NMNAT2: variants seen among roughly 807,000 people sequenced by gnomAD.
The protein encoded by NMNAT2 is nicotinamide nucleotide adenylyltransferase 2.
Under a neutral mutation model 41.6 loss-of-function variants are expected in NMNAT2, and 11 were observed. That is an observed-to-expected ratio of 0.26 (90% CI 0.17 to 0.44). The LOEUF is 0.44. NMNAT2 is among the 20% of genes least tolerant of loss of function. The pLI, the probability that NMNAT2 is intolerant of heterozygous loss-of-function variation, is 1.00. For synonymous variants in NMNAT2, 148 were observed against 151.2 expected, an observed-to-expected ratio of 0.98 and a Z score of 0.16; for missense variants, 288 against 407.7, an observed-to-expected ratio of 0.71 and a Z score of 2.53.
Position 183,285,722 on chromosome 1 carries a change from C to T in NMNAT2, c.449-932G>A, listed in dbSNP as rs559666072. Among the ~76,000 whole-genome samples the T allele has an allele frequency of 4.6e-5, 7 of 152,314 alleles. No individual in the cohort carries two copies. The South Asian group carries it at 6.2e-4, about 14-fold the overall frequency. ...GAATTCTAGCTCTTCTACTTTTGAGCTGTGTGACAAATCAGCAAATCACTT... is the reference window on the plus strand; with the variant it reads ...GAATTCTAGCTCTTCTACTTTTGAGTTGTGTGACAAATCAGCAAATCACTT... On this transcript the variant is annotated intron_variant, in intron 5 of 10. Coordinates refer to ENST00000287713, the MANE Select transcript of NMNAT2 (RefSeq NM_015039.4).
chr1:183,325,049 G>T (rs535642535), intron 1 of NMNAT2, among the ~76,000 whole-genome samples: 1 of 152,208 alleles, frequency 6.6e-6, no homozygotes, highest in Non-Finnish European at 1.5e-5. Flanking sequence ...GGAACCAGAA[G>T]TCACACCAAA....
intron 7 of NMNAT2, chr1:183,282,764 G>A (rs867737846): frequency 6.6e-6 from 1 of 152,188 alleles, no homozygotes; most frequent in Non-Finnish European, 1.5e-5. Flanking sequence ...CTGTTTTGGG[G>A]AGCAACCAGG....
At chr1:183,403,497 A>T (rs1648875063) in intron 1 of NMNAT2, among the ~76,000 whole-genome samples, 2 of 139,338 alleles carry the variant, frequency 1.4e-5, no homozygotes, top group Non-Finnish European at 3.1e-5. Context: ...GGGAGCCCCC[A>T]CTCGGGAGAC....
intron 1 of NMNAT2, among the ~76,000 whole-genome samples, chr1:183,384,959 G>C (rs1045112913): frequency 6.6e-6 from 1 of 152,092 alleles, no homozygotes; most frequent in African/African-American, 2.4e-5. Flanking sequence ...TGGGAGTCCA[G>C]GGGTGGGGTG....
Position 183,351,982 on chromosome 1 carries a change from C to A in NMNAT2, c.86-58189G>T, listed in dbSNP as rs568850847. Among the ~76,000 whole-genome samples, 11 of 152,230 alleles carry A rather than the reference C, an allele frequency of 7.2e-5. No homozygotes were observed. The South Asian group carries it at 2.3e-3, about 32-fold the overall frequency. On this transcript the variant is annotated intron_variant, in intron 1 of 10. Coordinates refer to ENST00000287713, the MANE Select transcript of NMNAT2 (RefSeq NM_015039.4). ...CCAATGACATGCAATGTGCTACCAA[C>A]AAGGACACAGTCTGAGTGGATCCCA...
intron 4 of NMNAT2, 124 bp downstream of exon 4, chr1:183,290,004 A>G: frequency 3.0e-6 from 2 of 674,404 alleles, no homozygotes; most frequent in Non-Finnish European, 5.0e-6. Flanking sequence ...GAGAAATAAG[A>G]GGCTGAAAGC....
chr1:183,382,007 C>A (rs1037312716), intron 1 of NMNAT2, among the ~76,000 whole-genome samples: 2 of 152,188 alleles, frequency 1.3e-5, no homozygotes, highest in Admixed American at 6.5e-5. Flanking sequence ...GTGCATTAGT[C>A]CATTCTCACA....
At chr1:183,335,426 T>A (rs1448385308) in intron 1 of NMNAT2, among the ~76,000 whole-genome samples, 1 of 152,226 alleles carries the variant, frequency 6.6e-6, no homozygotes, top group African/African-American at 2.4e-5. Flanking sequence ...ACCACCAACA[T>A]GGCCACCACC....
At chr1:183,288,256 A>C (rs1029367211) in intron 4 of NMNAT2, among the ~76,000 whole-genome samples, 1 of 152,184 alleles carries the variant, frequency 6.6e-6, no homozygotes, top group Non-Finnish European at 1.5e-5. Flanking sequence ...GGGCTCCTGC[A>C]TTCTCAGAGG....
chr1:183,330,120 G>C (rs911739568), intron 1 of NMNAT2, among the ~76,000 whole-genome samples: 1 of 152,190 alleles, frequency 6.6e-6, no homozygotes, highest in African/African-American at 2.4e-5. Flanking sequence ...CCACTCCCCA[G>C]CTGCATGGAC....
At chr1:183,398,375 T>C (rs1261958956) in intron 1 of NMNAT2, among the ~76,000 whole-genome samples, 1 of 152,156 alleles carries the variant, frequency 6.6e-6, no homozygotes, top group African/African-American at 2.4e-5. Context: ...CCTAAATATA[T>C]ATGCACCCAA....
At chr1:183,290,955 C>T (rs1480578176) in intron 3 of NMNAT2, among the ~76,000 whole-genome samples, 3 of 152,176 alleles carry the variant, frequency 2.0e-5, no homozygotes, top group Non-Finnish European at 4.4e-5. Context: ...CTTGGTCTGT[C>T]ACCCAGGCTG....
chr1:183,409,473 C>A (rs1649055194), intron 1 of NMNAT2, among the ~76,000 whole-genome samples: 1 of 152,054 alleles, frequency 6.6e-6, no homozygotes, highest in African/African-American at 2.4e-5. Context: ...CACACCACCA[C>A]ACCTGGCTAA....
intron 1 of NMNAT2, among the ~76,000 whole-genome samples, chr1:183,313,538 GGTGCAA>G (rs147712753): frequency 0.084 from 12,716 of 152,238 alleles, 534 homozygotes; most frequent in Admixed American, 0.11. Flanking sequence ...GGAGTGCAGT[GGTGCAA>G]TCTTGGCTCA....
intron 1 of NMNAT2, among the ~76,000 whole-genome samples, chr1:183,363,567 C>G (rs1021990728): frequency 1.6e-5 from 2 of 126,088 alleles, no homozygotes; most frequent in African/African-American, 5.6e-5. Context: ...CCCCTAGAGA[C>G]ACACACACAC....
chr1:183,373,679 G>T (rs1663604898), intron 1 of NMNAT2, among the ~76,000 whole-genome samples: 1 of 150,284 alleles, frequency 6.7e-6, no homozygotes, highest in Admixed American at 6.6e-5. Context: ...GTGCAGTGGT[G>T]CCATCTCGGC....
At chr1:183,415,841 T>C (rs1243499533) in intron 1 of NMNAT2, among the ~76,000 whole-genome samples, 2 of 152,366 alleles carry the variant, frequency 1.3e-5, no homozygotes, top group African/African-American at 4.8e-5. Context: ...TTCTTATTCT[T>C]GCCTCATTTT....
At chr1:183,303,062 C>G (rs1218120917) in intron 1 of NMNAT2, among the ~76,000 whole-genome samples, 1 of 152,186 alleles carries the variant, frequency 6.6e-6, no homozygotes, top group African/African-American at 2.4e-5. Context: ...TCCAGGGGGA[C>G]AAAGCGAGGT....
intron 7 of NMNAT2, 197 bp from the exon 8 acceptor site, chr1:183,278,826 G>A: frequency 1.8e-6 from 1 of 570,048 alleles, no homozygotes; most frequent in East Asian, 3.0e-5. Context: ...CTCATTTCCA[G>A]ACCACCCTCA....
Sources: gnomAD v4.1 joint callset for allele counts (sites outside exome capture counted in the v4.1 genomes callset) on GRCh38, gnomAD v4.1.1 for gene constraint, MANE v1.5 for transcripts, NCBI Gene and HGNC (gene_info 2026-07-23, HGNC 2026-07-21) for gene names.